The following MAPK4 variants were observed in gnomAD, a reference collection of about 807,000 sequenced individuals.
The protein encoded by MAPK4 is mitogen-activated protein kinase 4, also known as Erk3-related.
A neutral mutation model predicts 47.7 loss-of-function variants in MAPK4; 22 were observed. The observed-to-expected ratio is 0.46, with a 90% CI of 0.33 to 0.66. MAPK4 has a LOEUF of 0.66. Ranked by LOEUF, MAPK4 falls within the 30% of genes least tolerant of loss-of-function variation. MAPK4 has a pLI of 0.02. For missense variants in MAPK4, 736 were observed against 831.7 expected, an observed-to-expected ratio of 0.88 and a Z score of 1.42; for synonymous variants, 390 against 365.7, an observed-to-expected ratio of 1.07 and a Z score of -0.76.
chr18:50,625,927 C>CACACACAT (rs1167419602), intron 1 of MAPK4, among the ~76,000 whole-genome samples: 318 of 93,382 alleles, frequency 3.4e-3, no homozygotes, highest in African/African-American at 0.011. Flanking sequence ...CACACACACA[C>CACACACAT]ATATATAATG....
rs528064918 is a variant in MAPK4 at position 50,587,460 on chromosome 18, T to C, written c.-871+27217T>C. ...TTTTTGTTGTGCAGCCCAAATGGAG[T>C]AAGACAGGGAGGGGTTAAATGTCTT... On this transcript the variant is annotated intron_variant, in intron 1 of 5. Transcript: ENST00000400384. Among the ~76,000 whole-genome samples the C allele has an allele frequency of 2.0e-4, 31 of 152,208 alleles. 1 individual carries two copies. The highest frequency in any genetic ancestry group is 7.2e-4 in the African/African-American group (30 of 41,536).
Position 50,610,711 on chromosome 18 carries a change from T to G in MAPK4, c.-871+50468T>G, listed in dbSNP as rs986700889. Among the ~76,000 whole-genome samples the G allele has an allele frequency of 2.0e-5, 3 of 152,194 alleles. 1 individual carries two copies. In the South Asian group the frequency reaches 6.2e-4, roughly 32 times the overall value. ...ACGTTATTGTGCTGCCATTTCTTTA[T>G]TGATAAAACGATGAGACTGAACAGA... On this transcript the variant is annotated intron_variant, in intron 1 of 5. Transcript: ENST00000400384.
At chr18:50,629,142 G>C (rs1336317118) in intron 1 of MAPK4, among the ~76,000 whole-genome samples, 8 of 152,184 alleles carry the variant, frequency 5.3e-5, no homozygotes, top group Non-Finnish European at 1.2e-4. Flanking sequence ...GCTAAGATGA[G>C]GGAGGGCATT....
chr18:50,679,162 A>G (rs749108606), intron 2 of MAPK4, among the ~76,000 whole-genome samples: 22 of 152,230 alleles, frequency 1.4e-4, no homozygotes, highest in Non-Finnish European at 2.8e-4. Context: ...GCCTGGTTTC[A>G]CAGGCCTGAG....
chr18:50,626,365 G>C (rs1180469135), intron 1 of MAPK4, among the ~76,000 whole-genome samples: 2 of 152,192 alleles, frequency 1.3e-5, no homozygotes, highest in African/African-American at 4.8e-5. Context: ...GTCAGAGCAG[G>C]CTCCCTGGGA....
chr18:50,709,354 T>C (rs1344304891), intron 2 of MAPK4, among the ~76,000 whole-genome samples: 1 of 152,050 alleles, frequency 6.6e-6, no homozygotes, highest in Non-Finnish European at 1.5e-5. Flanking sequence ...CCCGGGGAAT[T>C]GGGGGAAGCG....
At chr18:50,647,559 A>G (rs1334076622) in intron 1 of MAPK4, among the ~76,000 whole-genome samples, 1 of 152,162 alleles carries the variant, frequency 6.6e-6, no homozygotes, top group Non-Finnish European at 1.5e-5. Context: ...CCTGTGTATG[A>G]TGCCTGAGAG....
chr18:50,681,319 T>C (rs1300942084), intron 2 of MAPK4, among the ~76,000 whole-genome samples: 2 of 152,246 alleles, frequency 1.3e-5, no homozygotes, highest in African/African-American at 4.8e-5. Context: ...ATTAGATGGA[T>C]AATTGCAAAA....
At chr18:50,666,528 C>G (rs1907612227) in intron 2 of MAPK4, among the ~76,000 whole-genome samples, 1 of 152,202 alleles carries the variant, frequency 6.6e-6, no homozygotes, top group South Asian at 2.1e-4. Context: ...GAGACCAAGG[C>G]TCACACGATC....
At chr18:50,669,096 C>T (rs958139099) in intron 2 of MAPK4, 4 of 152,250 alleles carry the variant, frequency 2.6e-5, no homozygotes, top group Non-Finnish European at 4.4e-5. Flanking sequence ...GATACGGACC[C>T]CACTCCTGAC....
chr18:50,665,249 T>C lies in MAPK4; in HGVS notation c.546+745T>C, dbSNP rs139180901. ...GTTCTCAAGGGCCCAGACCTCCTCTTACCTGATCCATTCCTCTCTTCAGAA... is the reference window on the plus strand; with the variant it reads ...GTTCTCAAGGGCCCAGACCTCCTCTCACCTGATCCATTCCTCTCTTCAGAA... On this transcript the variant is annotated intron_variant, in intron 2 of 5. Coordinates refer to ENST00000400384, the MANE Select transcript of MAPK4 (RefSeq NM_002747.4). Among the ~76,000 whole-genome samples, 734 of 152,266 alleles carry C rather than the reference T, an allele frequency of 4.8e-3. 5 individuals carry two copies. The highest frequency in any genetic ancestry group is 0.016 in the African/African-American group (684 of 41,558).
At chr18:50,606,483 C>A (rs1036836934) in intron 1 of MAPK4, among the ~76,000 whole-genome samples, 1 of 152,048 alleles carries the variant, frequency 6.6e-6, no homozygotes, top group Non-Finnish European at 1.5e-5. Flanking sequence ...AAAATGCTGC[C>A]CTATCTATTG....
chr18:50,698,327 C>G (rs1257785578), intron 2 of MAPK4, among the ~76,000 whole-genome samples: 1 of 152,114 alleles, frequency 6.6e-6, no homozygotes, highest in East Asian at 1.9e-4. Flanking sequence ...ACTCCATGCT[C>G]ATAAATATTC....
At chr18:50,597,359 C>T (rs193066908) in intron 1 of MAPK4, among the ~76,000 whole-genome samples, 35 of 152,294 alleles carry the variant, frequency 2.3e-4, no homozygotes, top group East Asian at 1.7e-3. Flanking sequence ...CCACTCCCAG[C>T]GGCCAGTCCT....
intron 1 of MAPK4, among the ~76,000 whole-genome samples, chr18:50,610,214 G>A (rs779956814): frequency 1.4e-4 from 21 of 152,292 alleles, no homozygotes; most frequent in Admixed American, 2.0e-4. Context: ...GGAAGCAGCC[G>A]CCACCCCCAA....
chr18:50,619,609 G>A (rs868287608), intron 1 of MAPK4, among the ~76,000 whole-genome samples: 2 of 152,178 alleles, frequency 1.3e-5, no homozygotes, highest in African/African-American at 2.4e-5. Flanking sequence ...GATTACAGGC[G>A]TGAGCCACCA....
chr18:50,694,109 T>C (rs1392111928), intron 2 of MAPK4, among the ~76,000 whole-genome samples: 1 of 152,210 alleles, frequency 6.6e-6, no homozygotes, highest in African/African-American at 2.4e-5. Flanking sequence ...AACATTTCTA[T>C]CCAAAATGAC....
chr18:50,691,414 C>G (rs987028995), intron 2 of MAPK4, among the ~76,000 whole-genome samples: 1 of 152,050 alleles, frequency 6.6e-6, no homozygotes, highest in Admixed American at 6.6e-5. Context: ...GAGGTGGGAA[C>G]AAGAGTCTGA....
intron 1 of MAPK4, among the ~76,000 whole-genome samples, chr18:50,627,781 T>C (rs996603059): frequency 6.6e-6 from 1 of 152,094 alleles, no homozygotes; most frequent in African/African-American, 2.4e-5. Context: ...GCCTGTGAGT[T>C]TGGATGGTGT....
Sources: allele counts gnomAD v4.1 joint callset (sites outside exome capture counted in the v4.1 genomes callset), GRCh38; gene constraint gnomAD v4.1.1; transcripts MANE v1.5; gene names NCBI Gene and HGNC (gene_info 2026-07-23, HGNC 2026-07-21).